Variants in C19orf47 observed in about 807,000 individuals in gnomAD.
The protein encoded by C19orf47 is chromosome 19 open reading frame 47.
A neutral mutation model predicts 32.3 loss-of-function variants in C19orf47; 18 were observed. That is an observed-to-expected ratio of 0.56 (90% CI 0.39 to 0.83). The LOEUF (loss-of-function observed/expected upper bound fraction) is 0.83. Ranked by LOEUF, C19orf47 falls within the 40% of genes least tolerant of loss-of-function variation. C19orf47 has a pLI of 0.00. For synonymous variants in C19orf47, 202 were observed against 211.1 expected (o/e 0.96, Z 0.37); for missense variants, 484 against 531.6 (o/e 0.91, Z 0.88).
chr19:40,336,534 C>T (rs2078069644), intron 2 of C19orf47, 127 bp from the exon 3 acceptor site: 1 of 787,208 alleles, frequency 1.3e-6, no homozygotes, highest in Non-Finnish European at 2.1e-6. Context: ...ATGGAGTGCT[C>T]CACACACACA....
chr19:40,309,700 A>G, the C19orf47 span, among the ~76,000 whole-genome samples: 2 of 150,240 alleles, frequency 1.3e-5, no homozygotes, highest in Non-Finnish European at 1.5e-5. Flanking sequence ...AAAAAAAAAA[A>G]GAATATGCAA....
chr19:40,317,556 G>A (rs2077670586), downstream of C19orf47, among the ~76,000 whole-genome samples: 5 of 152,066 alleles, frequency 3.3e-5, no homozygotes, highest in Admixed American at 3.3e-4. Context: ...GGGCCACTGT[G>A]ACTCTGGAGC....
intron 1 of C19orf47, among the ~76,000 whole-genome samples, chr19:40,345,775 G>T (rs777533980): frequency 9.9e-5 from 15 of 150,998 alleles, no homozygotes; most frequent in African/African-American, 2.4e-4. Context: ...CCGGGGCGGG[G>T]GGGGGAGAGG....
At chr19:40,306,741 T>A in the C19orf47 span, among the ~76,000 whole-genome samples, 1 of 151,288 alleles carries the variant, frequency 6.6e-6, no homozygotes, top group Non-Finnish European at 1.5e-5. Context: ...TATACTAAAA[T>A]AAAGCATTAC....
At chr19:40,328,980 G>A (rs1600182700) in intron 5 of C19orf47, among the ~76,000 whole-genome samples, 4 of 152,042 alleles carry the variant, frequency 2.6e-5, no homozygotes, top group African/African-American at 7.2e-5. Context: ...GAATTGCTGC[G>A]TCTCATCATT....
chr19:40,336,097 G>A lies in C19orf47; in HGVS notation c.222+13C>T, dbSNP rs371964450. The A allele has an allele frequency of 1.4e-5, 23 of 1,611,280 alleles. No homozygotes were observed. Among genetic ancestry groups the A allele is most frequent in the South Asian group, 9.9e-5 (9 of 90,996 alleles). ...CCAAACCCAGAGACAGAGGGGCTGG[G>A]CACAGCACCCACCTGACGGTGCACC... On this transcript the variant is annotated intron_variant, in intron 4 of 8. Coordinates refer to ENST00000683109, the MANE Select transcript of C19orf47 (RefSeq NM_001256441.2).
intron 4 of C19orf47, among the ~76,000 whole-genome samples, chr19:40,334,342 C>A (rs2078015989): frequency 6.6e-6 from 1 of 152,148 alleles, no homozygotes; most frequent in African/African-American, 2.4e-5. Context: ...CCCAATTATT[C>A]AGGGGCTGAG....
chr19:40,317,239 G>A (rs1293939293), downstream of C19orf47, among the ~76,000 whole-genome samples: 1 of 151,970 alleles, frequency 6.6e-6, no homozygotes, highest in Non-Finnish European at 1.5e-5. Context: ...AGCCTTACAA[G>A]TAGCTGGGAA....
At chr19:40,347,225 G>A (rs1433389733) in intron 1 of C19orf47, among the ~76,000 whole-genome samples, 1 of 152,036 alleles carries the variant, frequency 6.6e-6, no homozygotes, top group East Asian at 1.9e-4. Context: ...AGCAATGCTA[G>A]TTTTCCATTG....
At chr19:40,308,347 G>C in the C19orf47 span, among the ~76,000 whole-genome samples, 1 of 151,776 alleles carries the variant, frequency 6.6e-6, no homozygotes, top group Non-Finnish European at 1.5e-5. Flanking sequence ...AGTAGAGATG[G>C]GGTTTCACCA....
the C19orf47 span, among the ~76,000 whole-genome samples, chr19:40,296,732 G>T: frequency 2.0e-5 from 3 of 151,666 alleles, no homozygotes; most frequent in African/African-American, 4.8e-5. Flanking sequence ...TGGCCAACAT[G>T]GTGAAACCCC....
chr19:40,318,568 A>T (rs2077678871), downstream of C19orf47, among the ~76,000 whole-genome samples: 1 of 152,206 alleles, frequency 6.6e-6, no homozygotes. Context: ...AATCAGAGGA[A>T]ATTATTAGGA....
chr19:40,334,319 A>C (rs564270694), intron 4 of C19orf47, among the ~76,000 whole-genome samples: 2 of 152,270 alleles, frequency 1.3e-5, no homozygotes, highest in African/African-American at 4.8e-5. Context: ...GCATGGTGTC[A>C]CACACCTGTA....
chr19:40,333,380 T>A (rs1481986440), intron 5 of C19orf47, among the ~76,000 whole-genome samples: 2 of 152,084 alleles, frequency 1.3e-5, no homozygotes, highest in African/African-American at 4.8e-5. Flanking sequence ...ATGTACCTGA[T>A]CAAAAAAATG....
the C19orf47 span, among the ~76,000 whole-genome samples, chr19:40,310,346 G>A: frequency 1.3e-5 from 2 of 152,294 alleles, no homozygotes; most frequent in Admixed American, 6.5e-5. Flanking sequence ...AGACCAGCCT[G>A]GGCTGGAGTG....
the C19orf47 span, among the ~76,000 whole-genome samples, chr19:40,313,257 G>A: frequency 6.6e-6 from 1 of 152,156 alleles, no homozygotes; most frequent in Non-Finnish European, 1.5e-5. Context: ...TTTAAGGACT[G>A]GAATTTTGTA....
chr19:40,327,453 C>T (rs569102322), intron 6 of C19orf47, among the ~76,000 whole-genome samples: 1 of 152,226 alleles, frequency 6.6e-6, no homozygotes, highest in East Asian at 1.9e-4. Context: ...CATGCCCAGC[C>T]TGATTTTAAC....
At chr19:40,334,334 C>T (rs1018697134) in intron 4 of C19orf47, among the ~76,000 whole-genome samples, 1 of 152,132 alleles carries the variant, frequency 6.6e-6, no homozygotes, top group Non-Finnish European at 1.5e-5. Context: ...CCTGTAGTCC[C>T]AATTATTCAG....
intron 2 of C19orf47, among the ~76,000 whole-genome samples, chr19:40,339,508 G>A (rs1568623981): frequency 6.6e-6 from 1 of 152,076 alleles, no homozygotes; most frequent in Non-Finnish European, 1.5e-5. Context: ...TCACTCTCAA[G>A]GTGAAATACT....
Sources: gnomAD v4.1 joint callset for allele counts (sites outside exome capture counted in the v4.1 genomes callset) on GRCh38, gnomAD v4.1.1 for gene constraint, MANE v1.5 for transcripts, NCBI Gene and HGNC (gene_info 2026-07-23, HGNC 2026-07-21) for gene names.